The following ROBO1 variants were observed in gnomAD, a reference collection of about 807,000 sequenced individuals.
The protein encoded by ROBO1 is roundabout guidance receptor 1.
Under a neutral mutation model 195.9 loss-of-function variants are expected in ROBO1, and 149 were observed. That is an observed-to-expected ratio of 0.76 (90% CI 0.67 to 0.87). ROBO1 has a LOEUF of 0.87. Among genes scored for constraint, ROBO1 ranks in the 40% least tolerant of loss-of-function variants. The pLI is 0.00. For synonymous variants in ROBO1, 816 were observed against 733.2 expected (o/e 1.11, Z -1.82); for missense variants, 1,933 against 2,068.3 (o/e 0.93, Z 1.27).
chr3:78,786,615 A>C (rs2083843447), intron 4 of ROBO1, among the ~76,000 whole-genome samples: 2 of 151,928 alleles, frequency 1.3e-5, no homozygotes. Context: ...GGTTTTTCCC[A>C]TGCTGTTCTC....
At chr3:79,452,625 C>A (rs180821560) in intron 2 of ROBO1, among the ~76,000 whole-genome samples, 1,961 of 151,886 alleles carry the variant, frequency 0.013, 23 homozygotes, top group Middle Eastern at 0.024. Flanking sequence ...TAGTCAATTA[C>A]CTAAATTAAA....
chr3:78,748,860 A>T (rs2082722243), intron 4 of ROBO1, among the ~76,000 whole-genome samples: 1 of 152,188 alleles, frequency 6.6e-6, no homozygotes, highest in Non-Finnish European at 1.5e-5. Context: ...GAACAGTAAA[A>T]GGAAAAGCAA....
chr3:79,495,635 T>C (rs113517597), intron 2 of ROBO1, among the ~76,000 whole-genome samples: 50 of 152,278 alleles, frequency 3.3e-4, no homozygotes, highest in African/African-American at 3.1e-4. Context: ...CATTCATTGT[T>C]GAGAGTTGAT....
chr3:79,710,799 A>T (rs918697673), intron 1 of ROBO1, among the ~76,000 whole-genome samples: 1 of 152,172 alleles, frequency 6.6e-6, no homozygotes, highest in Non-Finnish European at 1.5e-5. Flanking sequence ...GATATTTGGT[A>T]TAGAGGTGAA....
At chr3:79,317,165 T>C (rs1249739144) in intron 2 of ROBO1, among the ~76,000 whole-genome samples, 1 of 152,194 alleles carries the variant, frequency 6.6e-6, no homozygotes, top group Non-Finnish European at 1.5e-5. Flanking sequence ...TCACTTTCTG[T>C]AAATGTGTAT....
At chr3:79,743,639 C>G (rs994215934) in intron 1 of ROBO1, among the ~76,000 whole-genome samples, 3 of 152,122 alleles carry the variant, frequency 2.0e-5, no homozygotes, top group East Asian at 3.9e-4. Flanking sequence ...TCTTTTGTAA[C>G]AACATTTAGC....
chr3:79,601,142 G>A (rs749075060), intron 1 of ROBO1, among the ~76,000 whole-genome samples: 1 of 151,932 alleles, frequency 6.6e-6, no homozygotes, highest in African/African-American at 2.4e-5. Flanking sequence ...GATGGAATTC[G>A]AAAGAACAGT....
chr3:79,111,667 C>G (rs1396514952), intron 3 of ROBO1, among the ~76,000 whole-genome samples: 5 of 152,074 alleles, frequency 3.3e-5, no homozygotes, highest in Admixed American at 3.3e-4. Context: ...GAAACCTGGA[C>G]AATATCTACA....
chr3:79,234,420 G>T (rs74870204), intron 2 of ROBO1, among the ~76,000 whole-genome samples: 4 of 151,924 alleles, frequency 2.6e-5, no homozygotes, highest in African/African-American at 9.7e-5. Flanking sequence ...AGCTATCTCC[G>T]CACCATTTAT....
chr3:79,001,224 C>T (rs1559577726), intron 3 of ROBO1, among the ~76,000 whole-genome samples: 1 of 152,034 alleles, frequency 6.6e-6, no homozygotes, highest in Non-Finnish European at 1.5e-5. Flanking sequence ...ACCACCATGG[C>T]ACATGTATAC....
chr3:79,676,050 T>C (rs1946775118), intron 1 of ROBO1, among the ~76,000 whole-genome samples: 1 of 151,966 alleles, frequency 6.6e-6, no homozygotes, highest in South Asian at 2.1e-4. Context: ...GTGAATCTAT[T>C]TTGTTGTTGT....
intron 2 of ROBO1, among the ~76,000 whole-genome samples, chr3:79,506,307 C>T (rs1940391569): frequency 6.6e-6 from 1 of 151,916 alleles, no homozygotes. Context: ...CGTAAGATGC[C>T]TAACCAGCAA....
intron 2 of ROBO1, among the ~76,000 whole-genome samples, chr3:79,350,334 C>A (rs754896353): frequency 6.6e-6 from 1 of 152,138 alleles, no homozygotes; most frequent in Non-Finnish European, 1.5e-5. Flanking sequence ...TTTATCCTCA[C>A]GCATTGCTAG....
chr3:78,897,787 G>A (rs1452716678), intron 4 of ROBO1, among the ~76,000 whole-genome samples: 1 of 151,938 alleles, frequency 6.6e-6, no homozygotes, highest in African/African-American at 2.4e-5. Flanking sequence ...ACCCATTGTT[G>A]AAAACTAAAA....
intron 2 of ROBO1, among the ~76,000 whole-genome samples, chr3:79,492,134 G>A (rs1399219858): frequency 1.3e-5 from 2 of 152,100 alleles, no homozygotes; most frequent in African/African-American, 4.8e-5. Flanking sequence ...CACCACAAAA[G>A]AGGCCGTAGG....
intron 4 of ROBO1, chr3:78,758,862 T>C (rs1243419851): frequency 6.6e-6 from 1 of 152,196 alleles, no homozygotes; most frequent in Non-Finnish European, 1.5e-5. Flanking sequence ...ACCCATGTTC[T>C]GGAGAGTTAC....
chr3:79,528,436 T>C (rs1941522927), intron 2 of ROBO1, among the ~76,000 whole-genome samples: 1 of 152,238 alleles, frequency 6.6e-6, no homozygotes, highest in Non-Finnish European at 1.5e-5. Flanking sequence ...ATTTGCTTCA[T>C]CTGCATTTTT....
chr3:79,054,692 G>A lies in ROBO1; in HGVS notation c.172+70764C>T, dbSNP rs186336880. 4.1e-4 allele frequency among the ~76,000 whole-genome samples: 63 copies of A among 152,154 alleles called. 1 individual carries two copies. The highest frequency in any genetic ancestry group is 3.3e-3 in the Admixed American group (50 of 15,282). ...GCGGCCAAGCTGGCTCAGCAAACAC[G>A]GCCAAATGCTGCTGCTACTGTTTGC... is the stretch of plus-strand genomic sequence containing the variant. On this transcript the variant is annotated intron_variant, in intron 3 of 30. Transcript: ENST00000464233.
intron 2 of ROBO1, among the ~76,000 whole-genome samples, chr3:79,135,117 C>T (rs1340579977): frequency 6.6e-6 from 1 of 152,000 alleles, no homozygotes; most frequent in Admixed American, 6.6e-5. Flanking sequence ...ACATAGTCAT[C>T]ATGTTGTATA....
Sources: allele counts gnomAD v4.1 joint callset (sites outside exome capture counted in the v4.1 genomes callset), GRCh38; gene constraint gnomAD v4.1.1; transcripts MANE v1.5; gene names NCBI Gene and HGNC (gene_info 2026-07-23, HGNC 2026-07-21).